MCTP1: variants seen among roughly 807,000 people sequenced by gnomAD.
The protein encoded by MCTP1 is multiple C2 and transmembrane domain containing 1, also known as multiple C2 and transmembrane domain-containing protein 1.
Under a neutral mutation model 120.6 loss-of-function variants are expected in MCTP1, and 69 were observed. The ratio of observed to expected loss-of-function variants is 0.57; its 90% CI spans 0.47 to 0.70. The LOEUF (loss-of-function observed/expected upper bound fraction) is 0.70, where lower values mean the gene tolerates loss of function less well. MCTP1 is among the 30% of genes least tolerant of loss of function. The pLI is 0.00. For missense variants in MCTP1, 1,203 were observed against 1,248.8 expected (o/e 0.96, Z 0.55); for synonymous variants, 529 against 493.1 (o/e 1.07, Z -0.96).
chr5:94,997,401 G>C (rs954326388), intron 2 of MCTP1, among the ~76,000 whole-genome samples: 5 of 152,148 alleles, frequency 3.3e-5, no homozygotes, highest in African/African-American at 1.2e-4. Context: ...AGAAGAGACT[G>C]GGAGTCATCA....
At chr5:94,760,836 C>T (rs1421375719) in intron 19 of MCTP1, among the ~76,000 whole-genome samples, 2 of 152,020 alleles carry the variant, frequency 1.3e-5, no homozygotes, top group Admixed American at 1.3e-4. Flanking sequence ...AGGCATGTGC[C>T]ACCATGCCAG....
chr5:95,103,401 A>G (rs546792707), intron 1 of MCTP1, among the ~76,000 whole-genome samples: 19 of 152,316 alleles, frequency 1.2e-4, no homozygotes, highest in Non-Finnish European at 2.1e-4. Context: ...TGTATGGCAT[A>G]TATGGGAGAC....
At chr5:95,024,035 T>C (rs989793371) in intron 1 of MCTP1, 2 of 435,224 alleles carry the variant, frequency 4.6e-6, no homozygotes, top group Admixed American at 5.2e-5. Flanking sequence ...AAATATTTTG[T>C]CCTAATCTAC....
chr5:94,718,612 C>T (rs756957530), intron 19 of MCTP1, among the ~76,000 whole-genome samples: 5 of 152,086 alleles, frequency 3.3e-5, no homozygotes, highest in South Asian at 4.1e-4. Flanking sequence ...TTTTCAATCA[C>T]TCTGACAAAG....
At position 95,116,073 on chromosome 5, in the gene MCTP1, G is replaced by A. The variant is rs115263149; in HGVS notation, c.721-98589C>T. Among the ~76,000 whole-genome samples, 694 of 151,456 alleles carry A rather than the reference G, an allele frequency of 4.6e-3. 3 individuals carry two copies. The highest frequency in any genetic ancestry group is 0.015 in the African/African-American group (641 of 41,356). ...CTCTAGAAAAATGTCCTTCGAACAC[G>A]AAGGAGAAATAAACACTTTCCCAGA... On this transcript the variant is annotated intron_variant, in intron 1 of 22. Coordinates refer to ENST00000515393, the MANE Select transcript of MCTP1 (RefSeq NM_024717.7).
intron 18 of MCTP1, among the ~76,000 whole-genome samples, chr5:94,783,010 G>A (rs1480483954): frequency 6.6e-6 from 1 of 152,066 alleles, no homozygotes; most frequent in Non-Finnish European, 1.5e-5. Context: ...AGGGCACTAG[G>A]GAAATCAGAA....
At chr5:94,953,844 C>CATATATAT (rs1561916344) in intron 2 of MCTP1, among the ~76,000 whole-genome samples, 4 of 13,992 alleles carry the variant, frequency 2.9e-4, no homozygotes, top group Admixed American at 2.3e-3. Context: ...TATATATATA[C>CATATATAT]ACAACTATAT....
chr5:94,717,377 T>C (rs546106708), intron 19 of MCTP1, among the ~76,000 whole-genome samples: 1 of 152,106 alleles, frequency 6.6e-6, no homozygotes, highest in African/African-American at 2.4e-5. Context: ...TACCTCAAAA[T>C]AAAAAGGGCC....
intron 12 of MCTP1, among the ~76,000 whole-genome samples, chr5:94,886,334 A>G (rs1801316356): frequency 6.6e-6 from 1 of 152,216 alleles, no homozygotes; most frequent in Admixed American, 6.5e-5. Flanking sequence ...TAACTGTAGT[A>G]AGATTGATGG....
chr5:94,762,507 C>A (rs1386594569), intron 19 of MCTP1, among the ~76,000 whole-genome samples: 1 of 152,110 alleles, frequency 6.6e-6, no homozygotes, highest in Non-Finnish European at 1.5e-5. Context: ...CTGTATGGAC[C>A]TGTGGCCATC....
At chr5:95,174,776 C>T (rs1747768247) in intron 1 of MCTP1, among the ~76,000 whole-genome samples, 3 of 152,302 alleles carry the variant, frequency 2.0e-5, no homozygotes, top group African/African-American at 7.2e-5. Flanking sequence ...ACTCAATAAA[C>T]TGTTAATTAC....
intron 1 of MCTP1, among the ~76,000 whole-genome samples, chr5:95,117,702 A>T (rs770922091): frequency 6.6e-6 from 1 of 152,350 alleles, no homozygotes; most frequent in Non-Finnish European, 1.5e-5. Flanking sequence ...TATTATAAAG[A>T]TACATGTACA....
intron 1 of MCTP1, among the ~76,000 whole-genome samples, chr5:95,245,833 C>T (rs772019625): frequency 6.6e-6 from 1 of 152,116 alleles, no homozygotes; most frequent in Non-Finnish European, 1.5e-5. Flanking sequence ...CAGAAAACAC[C>T]ACAAAGATAC....
intron 19 of MCTP1, among the ~76,000 whole-genome samples, chr5:94,743,630 CA>C (rs1481185642): frequency 8.7e-4 from 108 of 124,626 alleles, no homozygotes; most frequent in African/African-American, 3.1e-3. Flanking sequence ...TCAAAATCCA[CA>C]TTTTTTTTTT....
chr5:94,799,239 C>A, intron 17 of MCTP1, 107 bp from the exon 18 acceptor site: 1 of 992,206 alleles, frequency 1.0e-6, no homozygotes, highest in South Asian at 1.6e-5. Flanking sequence ...TGCTTCAGAA[C>A]AGGAAGATTT....
chr5:95,264,456 A>T (rs1758721158), intron 1 of MCTP1, among the ~76,000 whole-genome samples: 1 of 152,216 alleles, frequency 6.6e-6, no homozygotes, highest in African/African-American at 2.4e-5. Flanking sequence ...AGTGCTTCAG[A>T]CCAGCAGCTG....
At chr5:95,247,635 C>A (rs1249081573) in intron 1 of MCTP1, among the ~76,000 whole-genome samples, 5 of 152,254 alleles carry the variant, frequency 3.3e-5, no homozygotes, top group African/African-American at 1.2e-4. Flanking sequence ...TTTCTGCCTT[C>A]ATTTTGTTAT....
At chr5:94,751,419 T>G (rs1768279305) in intron 19 of MCTP1, among the ~76,000 whole-genome samples, 1 of 143,444 alleles carries the variant, frequency 7.0e-6, no homozygotes, top group Non-Finnish European at 1.5e-5. Flanking sequence ...AGACAGGGGG[T>G]GAGGATGAGC....
intron 3 of MCTP1, among the ~76,000 whole-genome samples, chr5:94,944,784 G>C (rs1435893930): frequency 6.6e-6 from 1 of 150,662 alleles, no homozygotes; most frequent in East Asian, 2.0e-4. Flanking sequence ...GAAATTATTA[G>C]CTATGCTGTT....
Sources: gnomAD v4.1 joint callset for allele counts (sites outside exome capture counted in the v4.1 genomes callset) on GRCh38, gnomAD v4.1.1 for gene constraint, MANE v1.5 for transcripts, NCBI Gene and HGNC (gene_info 2026-07-23, HGNC 2026-07-21) for gene names.